Variants in CENPU observed in about 807,000 individuals in gnomAD.
CENPU encodes centromere protein U, also known as KSHV latent nuclear antigen interacting protein 1.
In CENPU, 46 loss-of-function variants were observed where a neutral mutation model predicts 56.7. That is an observed-to-expected ratio of 0.81 (90% CI 0.64 to 1.04). The LOEUF (loss-of-function observed/expected upper bound fraction) is 1.04, where lower values mean the gene tolerates loss of function less well. CENPU is among the 50% of genes least tolerant of loss of function. CENPU has a pLI of 0.00. For missense variants in CENPU, 510 were observed against 490.1 expected (o/e 1.04, Z -0.38); for synonymous variants, 166 against 163.0 (o/e 1.02, Z -0.14).
In CENPU at chr4:184,730,950, G is replaced by A. The variant is rs1173432461; in HGVS notation, c.66C>T (p.Asn22=). 1.3e-6 allele frequency: 2 copies of A among 1,579,154 alleles called. No individual in the cohort carries two copies. The highest frequency in any genetic ancestry group is 1.7e-6 in the Non-Finnish European group (2 of 1,169,918). ...TCATGGAATGTGTTCTTTCTAAAGT[G>A]TTCTTTGAACGTCTTGCGCTATTAA... ...HRSEGARRSK[N]TLERTHSMKD... is the part of the protein sequence containing the mutation. Residue 22 remains asparagine (N), a synonymous_variant, in exon 2 of 13, where the codon AAC becomes AAT. Coordinates refer to ENST00000281453, the MANE Select transcript of CENPU (RefSeq NM_024629.4).
At chr4:184,725,889 G>C (rs577472940) in intron 3 of CENPU, among the ~76,000 whole-genome samples, 2 of 152,318 alleles carry the variant, frequency 1.3e-5, no homozygotes, top group East Asian at 1.9e-4. Context: ...CCTAGCGGGT[G>C]CTCAGGAAAG....
rs1760131775 is a variant in CENPU, at chr4:184,694,713, T to G, written c.*575A>C. ...TAGCTGAAGCTGCAGAGAACAGTCT[T>G]CTCAGTTATAACAGTGAAGTGGATG... On this transcript the variant is annotated 3_prime_UTR_variant, in exon 13 of 13. Coordinates refer to ENST00000281453, the MANE Select transcript of CENPU (RefSeq NM_024629.4). 1.2e-6 allele frequency: 2 copies of G among 1,613,620 alleles called. No homozygotes were observed. The highest frequency in any genetic ancestry group is 1.7e-6 in the Non-Finnish European group (2 of 1,179,486).
At chr4:184,703,466 A>G (rs1392076589) in intron 8 of CENPU, among the ~76,000 whole-genome samples, 1 of 152,190 alleles carries the variant, frequency 6.6e-6, no homozygotes, top group African/African-American at 2.4e-5. Context: ...CTCACCCATT[A>G]AGATGGCTAT....
chr4:184,699,487 C>T, intron 11 of CENPU: 1 of 1,072,896 alleles, frequency 9.3e-7, no homozygotes, highest in Non-Finnish European at 1.3e-6. Flanking sequence ...TAGGAAAGTG[C>T]CCTGCCACAC....
intron 6 of CENPU, 31 bp from the exon 7 acceptor site, chr4:184,713,044 G>A: frequency 9.2e-6 from 13 of 1,409,822 alleles, no homozygotes; most frequent in South Asian, 1.2e-5. Context: ...AAGTTTTTAA[G>A]AAAAGTTTTC....
At chr4:184,701,938 G>A (rs568899909) in intron 10 of CENPU, 151 bp downstream of exon 10, 47 of 625,094 alleles carry the variant, frequency 7.5e-5, no homozygotes, top group East Asian at 7.4e-4. Flanking sequence ...AATACCAACC[G>A]TATCAACCAC....
intron 4 of CENPU, among the ~76,000 whole-genome samples, chr4:184,718,537 G>A (rs1319158259): frequency 2.0e-5 from 3 of 152,240 alleles, no homozygotes; most frequent in African/African-American, 7.2e-5. Flanking sequence ...GATCACTCTG[G>A]AAGGTGTATG....
chr4:184,732,723 G>A (rs1191265148), intron 1 of CENPU, among the ~76,000 whole-genome samples: 20 of 152,186 alleles, frequency 1.3e-4, no homozygotes, highest in Admixed American at 1.3e-3. Flanking sequence ...AAATTTCTGG[G>A]CCAGGCGCGG....
chr4:184,712,218 G>C (rs1760950434), intron 7 of CENPU, among the ~76,000 whole-genome samples: 4 of 151,564 alleles, frequency 2.6e-5, no homozygotes, highest in Admixed American at 2.6e-4. Context: ...ATCAACTGTA[G>C]TGTAATCACA....
chr4:184,694,539 A>AGAT lies in CENPU; in HGVS notation c.*746_*748dup. On this transcript the variant is annotated 3_prime_UTR_variant, in exon 13 of 13. Transcript: ENST00000281453. Reference sequence around the variant, plus strand: ...AAATAAAGGAAGAAGAGTTTACAACAGATGAAGCAGATGAAACTAGGAGCA... The same window carrying AGAT: ...AAATAAAGGAAGAAGAGTTTACAACAGATGATGAAGCAGATGAAACTAGGAGCA... The AGAT allele has an allele frequency of 6.3e-7, 1 of 1,581,834 alleles. No individual in the cohort carries two copies. The highest frequency in any genetic ancestry group is 8.5e-7 in the Non-Finnish European group (1 of 1,178,292).
At chr4:184,714,388 C>T (rs1761022660) in intron 6 of CENPU, among the ~76,000 whole-genome samples, 1 of 151,934 alleles carries the variant, frequency 6.6e-6, no homozygotes. Context: ...TCATACTTTT[C>T]TTAAAAAAAC....
chr4:184,703,598 AAAAT>A (rs972061351), intron 8 of CENPU, among the ~76,000 whole-genome samples: 12 of 152,272 alleles, frequency 7.9e-5, no homozygotes, highest in African/African-American at 2.4e-4. Flanking sequence ...CAGTTCCAAA[AAAAT>A]AAATAAATTA....
Position 184,694,552 on chromosome 4 carries a change from G to A in CENPU, c.*736C>T. 11 of 1,613,040 alleles carry A rather than the reference G, an allele frequency of 6.8e-6. No individual in the cohort carries two copies. The highest frequency in any genetic ancestry group is 9.3e-6 in the Non-Finnish European group (11 of 1,179,864). On this transcript the variant is annotated 3_prime_UTR_variant, in exon 13 of 13. Coordinates refer to ENST00000281453, the MANE Select transcript of CENPU (RefSeq NM_024629.4). ...AGAGTTTACAACAGATGAAGCAGAT[G>A]AAACTAGGAGCAATGAAACCCAGAA...
chr4:184,699,651 C>G (rs1561127344), intron 11 of CENPU: 1 of 1,265,446 alleles, frequency 7.9e-7, no homozygotes, highest in South Asian at 1.3e-5. Flanking sequence ...CCCACTTAAA[C>G]TCCTGTGGCA....
intron 4 of CENPU, among the ~76,000 whole-genome samples, chr4:184,724,430 C>T (rs1233745891): frequency 6.6e-6 from 1 of 152,198 alleles, no homozygotes; most frequent in Non-Finnish European, 1.5e-5. Flanking sequence ...AAGAGTTCTG[C>T]ATTATATAAC....
chr4:184,731,039 C>T, intron 1 of CENPU, 71 bp from the exon 2 acceptor site: 2 of 1,091,556 alleles, frequency 1.8e-6, no homozygotes, highest in Non-Finnish European at 2.6e-6. Context: ...ATAGTTATGA[C>T]CCTTTCCGCG....
chr4:184,708,229 A>G (rs916855819), intron 8 of CENPU, among the ~76,000 whole-genome samples: 13 of 98,812 alleles, frequency 1.3e-4, no homozygotes, highest in South Asian at 2.7e-4. Context: ...TCTCAAAAAA[A>G]AAAAAAAAAA....
At chr4:184,700,932 C>T (rs373961679) in intron 10 of CENPU, 51 bp from the exon 11 acceptor site, 1 of 1,436,680 alleles carries the variant, frequency 7.0e-7, no homozygotes, top group Non-Finnish European at 9.8e-7. Context: ...TGTTTGAGCA[C>T]TGCCACATAA....
In CENPU at chr4:184,697,644, T is replaced by C. The variant is rs376413706; in HGVS notation, c.1143+3A>G. ...GCATGGTAAAAAGTAAAATTGGAGT[T>C]ACCGTTTCCTTTACGTTTGGTTCTT... On this transcript the variant is annotated splice_donor_region_variant and intron_variant, in intron 12 of 12. Coordinates refer to ENST00000281453, the MANE Select transcript of CENPU (RefSeq NM_024629.4). 1 of 1,612,340 alleles carries C rather than the reference T, an allele frequency of 6.2e-7. No homozygotes were observed. The highest frequency in any genetic ancestry group is 1.1e-5 in the South Asian group (1 of 90,680).
Sources: gnomAD v4.1 joint callset for allele counts (sites outside exome capture counted in the v4.1 genomes callset) on GRCh38, gnomAD v4.1.1 for gene constraint, MANE v1.5 for transcripts, NCBI Gene and HGNC (gene_info 2026-07-23, HGNC 2026-07-21) for gene names.